FBLN5: variants seen among roughly 807,000 people sequenced by gnomAD.
FBLN5 encodes the protein fibulin-5.
In FBLN5, 24 loss-of-function variants were observed where a neutral mutation model predicts 61.6. The observed-to-expected ratio is 0.39, with a 90% CI of 0.28 to 0.55. FBLN5 has a LOEUF of 0.55. FBLN5 is among the 20% of genes least tolerant of loss of function. The probability of loss-of-function intolerance (pLI) is 0.65; values close to 1 mark genes in which losing one functional copy is unlikely to be tolerated. For missense variants in FBLN5, 470 were observed against 594.1 expected, an observed-to-expected ratio of 0.79 and a Z score of 2.17; for synonymous variants, 213 against 219.8, an observed-to-expected ratio of 0.97 and a Z score of 0.27.
intron 4 of FBLN5, among the ~76,000 whole-genome samples, chr14:91,901,221 T>TG (rs1333780734): frequency 2.6e-5 from 4 of 152,186 alleles, no homozygotes; most frequent in South Asian, 4.1e-4. Context: ...TCCAATACTG[T>TG]GAACAGGCAA....
chr14:91,902,033 A>C (rs1890472131), intron 4 of FBLN5, among the ~76,000 whole-genome samples: 2 of 152,180 alleles, frequency 1.3e-5, no homozygotes, highest in Non-Finnish European at 2.9e-5. Flanking sequence ...TGGAGATCAC[A>C]TTGTTTGGTT....
intron 4 of FBLN5, among the ~76,000 whole-genome samples, chr14:91,910,302 TATATG>T (rs1358263544): frequency 1.3e-5 from 2 of 152,214 alleles, no homozygotes; most frequent in Admixed American, 1.3e-4. Flanking sequence ...TGAGTCCACT[TATATG>T]ATATATTTAA....
At chr14:91,915,028 C>T (rs1475899406) in intron 4 of FBLN5, among the ~76,000 whole-genome samples, 6 of 151,712 alleles carry the variant, frequency 4.0e-5, no homozygotes, top group African/African-American at 9.7e-5. Flanking sequence ...GGTGTGGTGG[C>T]GAGCACCTGT....
chr14:91,947,217 T>C lies in FBLN5; in HGVS notation c.13A>G (p.Lys5Glu). The C allele has an allele frequency of 6.2e-7, 1 of 1,614,152 alleles. No individual in the cohort carries two copies. Among genetic ancestry groups the C allele is most frequent in the East Asian group, 2.2e-5 (1 of 44,864 alleles). ...AGTCCAGCGCCGAGAACCCACCTTT[T>C]TATTCCTGGCATGTCCAAGACGCGC... MPGIKRILTVTILAL... is the reference protein window; with the variant it reads MPGIERILTVTILAL... Residue 5 changes from lysine to glutamate, a missense_variant, in exon 1 of 11, where the codon AAA becomes GAA. Coordinates refer to ENST00000342058, the MANE Select transcript of FBLN5 (RefSeq NM_006329.4). This position sits in a 1 kb window ranked among gnomAD's most constrained non-coding sequence, Gnocchi z 4.3.
At chr14:91,940,520 G>A in intron 3 of FBLN5, 45 bp downstream of exon 3, 1 of 1,497,474 alleles carries the variant, frequency 6.7e-7, no homozygotes, top group Non-Finnish European at 9.3e-7. Context: ...ACTGCAACTG[G>A]GCTGAATGCC....
chr14:91,914,500 A>C (rs1024844257), intron 4 of FBLN5, among the ~76,000 whole-genome samples: 1 of 114,776 alleles, frequency 8.7e-6, no homozygotes, highest in Non-Finnish European at 1.9e-5. Context: ...AAAAAAAAAA[A>C]ACAACAAATA....
chr14:91,945,495 A>G (rs1373085836), intron 1 of FBLN5, among the ~76,000 whole-genome samples: 2 of 152,092 alleles, frequency 1.3e-5, no homozygotes, highest in Non-Finnish European at 2.9e-5. Context: ...CTTCCTGGAG[A>G]AGGTGATCTT....
chr14:91,881,453 G>T lies in FBLN5; in HGVS notation c.863-35C>A, dbSNP rs143330945. ...AGGGGAGACAAGAAGCGGAGGCAGG[G>T]CATTATTGGCCAGGCCAGACGCGTG... On this transcript the variant is annotated intron_variant, in intron 8 of 10. Transcript: ENST00000342058. 3.1e-6 allele frequency: 5 copies of T among 1,613,388 alleles called. No homozygotes were observed. In the Admixed American group the frequency reaches 8.3e-5, roughly 27 times the overall value.
chr14:91,937,174 T>G lies in FBLN5; in HGVS notation c.152A>C (p.Glu51Ala), dbSNP rs1187336222. The change falls in exon 4 of 11, where the codon GAG becomes GCG. Residue 51 changes from glutamate (E) to alanine (A), a missense_variant. Physicochemically the swap from Glu to Ala is moderately radical, Grantham distance 107 (BLOSUM62 -1). Coordinates refer to ENST00000342058, the MANE Select transcript of FBLN5 (RefSeq NM_006329.4). Reference sequence around the variant, plus strand: ...ACACATCATGTCTCCTCGGCAGGCCTCGGGGATGGTTCGGCATTCATCAAT... The same window carrying G: ...ACACATCATGTCTCCTCGGCAGGCCGCGGGGATGGTTCGGCATTCATCAAT... ...LDIDECRTIP[E>A]ACRGDMMCVN... The G allele has an allele frequency of 6.2e-7, 1 of 1,614,084 alleles. No individual in the cohort carries two copies. The highest frequency in any genetic ancestry group is 2.2e-5 in the East Asian group (1 of 44,878).
Position 91,869,491 on chromosome 14 carries a change from G to A in FBLN5, c.*733C>T, listed in dbSNP as rs1433339151. ...AAAATTCTAAAGAAAGCAAGATTAA[G>A]GGGTCCTCAAAGAAAACACTGGGCT... On this transcript the variant is annotated 3_prime_UTR_variant, in exon 11 of 11. Coordinates refer to ENST00000342058, the MANE Select transcript of FBLN5 (RefSeq NM_006329.4). 1 of 152,524 alleles carries A rather than the reference G, an allele frequency of 6.6e-6. No individual in the cohort carries two copies. Among genetic ancestry groups the A allele is most frequent in the Non-Finnish European group, 1.5e-5 (1 of 68,314 alleles). 9.4% of individuals were successfully genotyped at this position (152,524 alleles called of 1,614,324 possible). A position where few individuals can be genotyped will look rare whatever the true frequency, so the allele number is the denominator to read the frequency against.
chr14:91,934,236 C>T (rs1449675255), intron 4 of FBLN5, among the ~76,000 whole-genome samples: 1 of 152,190 alleles, frequency 6.6e-6, no homozygotes, highest in Non-Finnish European at 1.5e-5. Context: ...TGTTTTTAAT[C>T]CTGACTTCAG....
At chr14:91,910,760 C>T (rs534631771) in intron 4 of FBLN5, among the ~76,000 whole-genome samples, 2 of 152,062 alleles carry the variant, frequency 1.3e-5, no homozygotes, top group Non-Finnish European at 2.9e-5. Flanking sequence ...TCAAGCATCA[C>T]GGAATCAGGG....
intron 4 of FBLN5, among the ~76,000 whole-genome samples, chr14:91,912,531 G>T (rs952844637): frequency 2.0e-5 from 3 of 152,180 alleles, no homozygotes; most frequent in Admixed American, 6.5e-5. Context: ...TGTAATCTCA[G>T]CTACTTGGGA....
chr14:91,871,585 C>T (rs1035521641), intron 10 of FBLN5, among the ~76,000 whole-genome samples: 1 of 152,150 alleles, frequency 6.6e-6, no homozygotes, highest in African/African-American at 2.4e-5. Flanking sequence ...TGGCCAGGCA[C>T]CATGGCTCAC....
chr14:91,941,783 G>T (rs995001581), intron 2 of FBLN5, among the ~76,000 whole-genome samples: 3 of 151,848 alleles, frequency 2.0e-5, no homozygotes, highest in African/African-American at 7.3e-5. Flanking sequence ...TGTAAAATGG[G>T]GGGGTATGTA....
In FBLN5 at chr14:91,943,858, G is replaced by A. The variant is rs146760528; in HGVS notation, c.18-897C>T. 1.2e-3 allele frequency among the ~76,000 whole-genome samples: 180 copies of A among 152,214 alleles called. No individual in the cohort carries two copies. The highest frequency in any genetic ancestry group is 4.1e-3 in the African/African-American group (170 of 41,526). On this transcript the variant is annotated intron_variant, in intron 1 of 10. Coordinates refer to ENST00000342058, the MANE Select transcript of FBLN5 (RefSeq NM_006329.4). This position sits in a 1 kb window ranked among gnomAD's most constrained non-coding sequence, Gnocchi z 4.0. ...CAGGTCCTGATGGAGGAAAGGACTC[G>A]GGGAACCTGCACAGCCCAGGGAAAA...
At chr14:91,894,841 C>CAA in intron 5 of FBLN5, 109 bp downstream of exon 5, 3 of 563,076 alleles carry the variant, frequency 5.3e-6, no homozygotes, top group Non-Finnish European at 6.2e-6. Flanking sequence ...CCCTCCCTAG[C>CAA]AAAGAAAAGC....
intron 5 of FBLN5, among the ~76,000 whole-genome samples, chr14:91,894,416 AAAAAAAAAAAAC>A (rs1196587470): frequency 7.0e-6 from 1 of 143,716 alleles, no homozygotes; most frequent in Non-Finnish European, 1.5e-5. Flanking sequence ...AAAAAAAAAA[AAAAAAAAAAAAC>A]CGAAAAAAAC....
intron 4 of FBLN5, among the ~76,000 whole-genome samples, chr14:91,914,630 G>A (rs1251972197): frequency 4.0e-5 from 6 of 149,954 alleles, no homozygotes; most frequent in Admixed American, 6.6e-5. Context: ...TGAGACTCTC[G>A]AAAAAATAAA....
Sources: allele counts gnomAD v4.1 joint callset (sites outside exome capture counted in the v4.1 genomes callset), GRCh38; gene constraint gnomAD v4.1.1; non-coding constraint Gnocchi (gnomAD v3.1); transcripts MANE v1.5; gene names NCBI Gene and HGNC (gene_info 2026-07-23, HGNC 2026-07-21).